RCBTB1: variants seen among roughly 807,000 people sequenced by gnomAD.
RCBTB1 encodes RCC1 and BTB domain-containing protein 1.
A neutral mutation model predicts 62.4 loss-of-function variants in RCBTB1; 46 were observed. The observed-to-expected ratio is 0.74, with a 90% CI of 0.58 to 0.94. The LOEUF (loss-of-function observed/expected upper bound fraction) is 0.94. RCBTB1 is among the 40% of genes least tolerant of loss of function. The pLI, the probability that RCBTB1 is intolerant of heterozygous loss-of-function variation, is 0.00. For missense variants in RCBTB1, 565 were observed against 654.9 expected, an observed-to-expected ratio of 0.86 and a Z score of 1.50; for synonymous variants, 222 against 245.8, an observed-to-expected ratio of 0.90 and a Z score of 0.91.
chr13:49,582,588 A>C (rs1182875803), intron 1 of RCBTB1, among the ~76,000 whole-genome samples: 1 of 152,212 alleles, frequency 6.6e-6, no homozygotes, highest in Non-Finnish European at 1.5e-5. Flanking sequence ...GTGAATGTGA[A>C]TGAAAGCCAG....
At chr13:49,566,123 C>T (rs1289410461) in intron 4 of RCBTB1, among the ~76,000 whole-genome samples, 37 of 150,070 alleles carry the variant, frequency 2.5e-4, no homozygotes, top group African/African-American at 8.5e-4. Context: ...ACAAACACTG[C>T]AGTAGGCCGC....
In RCBTB1 at chr13:49,536,570, G is replaced by A. The variant is rs1296863209; in HGVS notation, c.1456-2308C>T. Among the ~76,000 whole-genome samples, 3 of 152,198 alleles carry A rather than the reference G, an allele frequency of 2.0e-5. No individual in the cohort carries two copies. In the East Asian group the frequency reaches 5.8e-4, roughly 29 times the overall value. Reference sequence around the variant, plus strand: ...GTCAACTATAACAGGGCTGGTTATAGTTGACTTCTTACTTCTAACTGGGCT... The same window carrying A: ...GTCAACTATAACAGGGCTGGTTATAATTGACTTCTTACTTCTAACTGGGCT... On this transcript the variant is annotated intron_variant, in intron 12 of 12. Coordinates refer to ENST00000378302, the MANE Select transcript of RCBTB1 (RefSeq NM_018191.4).
chr13:49,583,838 C>G (rs1289982274), intron 1 of RCBTB1, among the ~76,000 whole-genome samples: 1 of 152,176 alleles, frequency 6.6e-6, no homozygotes, highest in East Asian at 1.9e-4. Context: ...TAAGCCACTG[C>G]GCCTGGCCAA....
chr13:49,566,124 A>G (rs9596154), intron 4 of RCBTB1, among the ~76,000 whole-genome samples: 32,656 of 145,388 alleles, frequency 0.22, 4,795 homozygotes, highest in African/African-American at 0.41. Flanking sequence ...CAAACACTGC[A>G]GTAGGCCGCA....
At chr13:49,540,230 C>T (rs565170062) in intron 12 of RCBTB1, among the ~76,000 whole-genome samples, 1 of 152,288 alleles carries the variant, frequency 6.6e-6, no homozygotes, top group Admixed American at 6.5e-5. Context: ...GGTATACAGA[C>T]GAATGAGACA....
chr13:49,553,475 C>G (rs965740542), intron 6 of RCBTB1, among the ~76,000 whole-genome samples: 86 of 152,150 alleles, frequency 5.7e-4, no homozygotes, highest in African/African-American at 1.9e-3. Context: ...TAGAAGACTT[C>G]CCAGAACGTG....
At chr13:49,564,999 G>GCTCCCGCTCCCATTCCCA (rs1466536950) in intron 4 of RCBTB1, among the ~76,000 whole-genome samples, 4 of 152,020 alleles carry the variant, frequency 2.6e-5, no homozygotes, top group Non-Finnish European at 5.9e-5. Context: ...CAGCTGTCCC[G>GCTCCCGCTCCCATTCCCA]CTCCCGCTCC....
chr13:49,547,013 A>C, intron 9 of RCBTB1: 1 of 1,195,300 alleles, frequency 8.4e-7, no homozygotes, highest in South Asian at 1.6e-5. Flanking sequence ...TTTAAGATAT[A>C]AGAACTGGGG....
At chr13:49,563,400 T>C (rs9562897) in intron 4 of RCBTB1, among the ~76,000 whole-genome samples, 35,147 of 145,918 alleles carry the variant, frequency 0.24, 5,556 homozygotes, top group African/African-American at 0.44. Flanking sequence ...CAGTGGCTTA[T>C]GCTTATAATC....
Position 49,541,892 on chromosome 13 carries a change from C to G in RCBTB1, c.1173-65G>C, listed in dbSNP as rs1960393000. On this transcript the variant is annotated intron_variant, in intron 10 of 12. Transcript: ENST00000378302. Reference sequence around the variant, plus strand: ...ATTTTTAAAAAAGAAAAAAAAATTACCTAATTAAGTTGATAAAATCAGATA... The same window carrying G: ...ATTTTTAAAAAAGAAAAAAAAATTAGCTAATTAAGTTGATAAAATCAGATA... 6 of 1,506,964 alleles carry G rather than the reference C, an allele frequency of 4.0e-6. No homozygotes were observed. In the South Asian group the frequency reaches 5.2e-5, roughly 13 times the overall value. 93.3% of individuals were successfully genotyped at this position (1,506,964 alleles called of 1,614,324 possible). A position where few individuals can be genotyped will look rare whatever the true frequency, so the allele number is the denominator to read the frequency against.
At chr13:49,566,583 T>C (rs377435647) in intron 4 of RCBTB1, 35 bp downstream of exon 4, 9 of 1,598,942 alleles carry the variant, frequency 5.6e-6, no homozygotes, top group Non-Finnish European at 6.8e-6. Context: ...GTCAATTTCT[T>C]ACAAACTGAA....
intron 5 of RCBTB1, among the ~76,000 whole-genome samples, chr13:49,558,737 C>CCATA (rs1444147640): frequency 1.7e-4 from 25 of 145,950 alleles, no homozygotes; most frequent in South Asian, 8.9e-4. Context: ...TAGACAATAA[C>CCATA]CATACAAATG....
At chr13:49,535,190 A>G (rs1959846681) in intron 12 of RCBTB1, among the ~76,000 whole-genome samples, 1 of 152,190 alleles carries the variant, frequency 6.6e-6, no homozygotes, top group Admixed American at 6.5e-5. Flanking sequence ...GTTAGTTTTC[A>G]GTCAAACAGA....
At position 49,551,433 on chromosome 13, in the gene RCBTB1, T is replaced by C. The variant is rs746325362; in HGVS notation, c.747A>G (p.Thr249=). Residue 249 remains threonine (T), a synonymous_variant, in exon 8 of 13, where the codon ACA becomes ACG. Transcript: ENST00000378302. ...CCCAGGCATACAGCAAGCCCTCATC[T>C]GTTAGTGCTAGAGTATGTGCGTAAC... The part of the protein sequence containing the change: ...VCGYAHTLAL[T]DEGLLYAWGA... 9.3e-6 allele frequency: 15 copies of C among 1,614,126 alleles called. No individual in the cohort carries two copies. The highest frequency in any genetic ancestry group is 1.7e-5 in the Admixed American group (1 of 60,006).
intron 5 of RCBTB1, among the ~76,000 whole-genome samples, chr13:49,557,916 T>C (rs1962075173): frequency 6.6e-6 from 1 of 152,092 alleles, no homozygotes; most frequent in African/African-American, 2.4e-5. Context: ...AGTACAAATA[T>C]GGTCATTAAA....
chr13:49,552,362 C>G, intron 6 of RCBTB1, 77 bp from the exon 7 acceptor site: 1 of 831,638 alleles, frequency 1.2e-6, no homozygotes, highest in South Asian at 1.6e-5. Flanking sequence ...ACCAGCCCAT[C>G]TAAACAAATC....
At chr13:49,548,384 G>T (rs1470575873) in intron 9 of RCBTB1, among the ~76,000 whole-genome samples, 2 of 137,436 alleles carry the variant, frequency 1.5e-5, no homozygotes, top group African/African-American at 2.8e-5. Context: ...GTGAGACTCC[G>T]TCTCAAAAAA....
chr13:49,545,383 TA>T (rs1220591295), intron 9 of RCBTB1, among the ~76,000 whole-genome samples: 1 of 152,214 alleles, frequency 6.6e-6, no homozygotes, highest in Non-Finnish European at 1.5e-5. Context: ...ATCTGGAATC[TA>T]AACATCTCTG....
chr13:49,566,317 T>C (rs1379837521), intron 4 of RCBTB1, among the ~76,000 whole-genome samples: 1 of 152,008 alleles, frequency 6.6e-6, no homozygotes, highest in Admixed American at 6.6e-5. Context: ...AAAGTTGCAT[T>C]GCAACACAAA....
Sources: gnomAD v4.1 joint callset for allele counts (sites outside exome capture counted in the v4.1 genomes callset) on GRCh38, gnomAD v4.1.1 for gene constraint, MANE v1.5 for transcripts, NCBI Gene and HGNC (gene_info 2026-07-23, HGNC 2026-07-21) for gene names.